Variants in OSBPL10 observed in about 807,000 individuals in gnomAD.
OSBPL10 encodes the protein oxysterol-binding protein-related protein 10.
OSBPL10 carries 49 observed loss-of-function variants against 81.7 expected under a neutral mutation model. The observed-to-expected ratio is 0.60, with a 90% CI of 0.48 to 0.76. The LOEUF (loss-of-function observed/expected upper bound fraction) is 0.76, where lower values mean the gene tolerates loss of function less well. OSBPL10 is among the 30% of genes least tolerant of loss of function. The pLI is 0.00. For missense variants in OSBPL10, 923 were observed against 987.8 expected (o/e 0.93, Z 0.88); for synonymous variants, 419 against 383.6 (o/e 1.09, Z -1.08).
At chr3:31,962,681 A>G (rs1698203057) in intron 1 of OSBPL10, among the ~76,000 whole-genome samples, 1 of 152,318 alleles carries the variant, frequency 6.6e-6, no homozygotes, top group South Asian at 2.1e-4. Flanking sequence ...TTGTAACGCA[A>G]GCTCCCTGAG....
At chr3:31,875,555 TAAAAAA>T (rs60853105) in intron 3 of OSBPL10, among the ~76,000 whole-genome samples, 1 of 143,620 alleles carries the variant, frequency 7.0e-6, no homozygotes, top group Non-Finnish European at 1.5e-5. Context: ...GATGTTTCTT[TAAAAAA>T]AAAAAAAAAA....
At chr3:31,810,060 A>G (rs1208802851) in intron 4 of OSBPL10, among the ~76,000 whole-genome samples, 1 of 151,972 alleles carries the variant, frequency 6.6e-6, no homozygotes, top group Non-Finnish European at 1.5e-5. Flanking sequence ...TGATAGAGAC[A>G]GGGTCTCTCC....
At chr3:31,766,528 T>C (rs1407655609) in intron 4 of OSBPL10, among the ~76,000 whole-genome samples, 1 of 151,722 alleles carries the variant, frequency 6.6e-6, no homozygotes, top group Non-Finnish European at 1.5e-5. Context: ...TTGGTAGAGA[T>C]GGGGTCTCAT....
chr3:31,931,607 G>A (rs1227598815), intron 1 of OSBPL10, among the ~76,000 whole-genome samples: 1 of 152,168 alleles, frequency 6.6e-6, no homozygotes, highest in Admixed American at 6.6e-5. Flanking sequence ...CACCTTTACA[G>A]TTCTGTTGTC....
chr3:32,032,388 C>T (rs143216708), intron 2 of OSBPL10, among the ~76,000 whole-genome samples: 1,558 of 151,708 alleles, frequency 0.01, 33 homozygotes, highest in African/African-American at 0.035. Context: ...CCAGCCTGGG[C>T]GACAGAGTGA....
chr3:31,815,724 T>C (rs562144326), intron 4 of OSBPL10, among the ~76,000 whole-genome samples: 1 of 152,264 alleles, frequency 6.6e-6, no homozygotes, highest in South Asian at 2.1e-4. Flanking sequence ...GGCAGGAACC[T>C]AACACCCTCT....
intron 1 of OSBPL10, among the ~76,000 whole-genome samples, chr3:31,939,201 G>C (rs1300042972): frequency 7.0e-6 from 1 of 142,360 alleles, no homozygotes; most frequent in Non-Finnish European, 1.5e-5. Context: ...CTGGAGTGCA[G>C]TGGCACAATC....
rs778069580 is a variant in OSBPL10, at chr3:31,876,503, G to C, written c.467C>G (p.Ala156Gly). 1 of 1,612,092 alleles carries C rather than the reference G, an allele frequency of 6.2e-7. No individual in the cohort carries two copies. The highest frequency in any genetic ancestry group is 8.5e-7 in the Non-Finnish European group (1 of 1,178,178). ...GEMFKLRAADAKEKQFWVTQL... is the reference protein window; with the variant it reads ...GEMFKLRAADGKEKQFWVTQL... Reference sequence around the variant, plus strand: ...AGTCACCCAGAATTGTTTCTCTTTTGCATCAGCAGCTAAAATAGAGAAAAC... The same window carrying C: ...AGTCACCCAGAATTGTTTCTCTTTTCCATCAGCAGCTAAAATAGAGAAAAC... The change falls in exon 3 of 12, where the codon GCA becomes GGA. Residue 156 changes from alanine to glycine, a missense_variant. By Grantham distance (60) the Ala-to-Gly change is moderately conservative. Around this residue, in one of 3 missense-constraint regions of OSBPL10, gnomAD observed 514 missense variants for 508.0 expected, o/e 1.01. Coordinates refer to ENST00000396556, the MANE Select transcript of OSBPL10 (RefSeq NM_017784.5).
intron 1 of OSBPL10, among the ~76,000 whole-genome samples, chr3:31,949,980 CA>C (rs1432556010): frequency 6.6e-6 from 1 of 151,836 alleles, no homozygotes; most frequent in Non-Finnish European, 1.5e-5. Context: ...TGAGAGTTGG[CA>C]AAAATTTTTT....
intron 5 of OSBPL10, among the ~76,000 whole-genome samples, chr3:31,739,229 A>G (rs1024267566): frequency 2.0e-5 from 3 of 152,280 alleles, no homozygotes; most frequent in African/African-American, 7.2e-5. Flanking sequence ...TACCTGGCTG[A>G]GGTAAATTAT....
At chr3:31,668,947 C>T in intron 9 of OSBPL10, 123 bp from the exon 10 acceptor site, 1 of 796,284 alleles carries the variant, frequency 1.3e-6, no homozygotes, top group East Asian at 2.7e-5. Flanking sequence ...ATTGTTTTTG[C>T]AGCTTTGCTC....
At chr3:31,944,727 C>G (rs965306466) in intron 1 of OSBPL10, among the ~76,000 whole-genome samples, 45 of 151,044 alleles carry the variant, frequency 3.0e-4, no homozygotes, top group African/African-American at 1.1e-3. Context: ...ATCAGCCAAT[C>G]TGGTTGCTTC....
intron 4 of OSBPL10, 40 bp from the exon 5 acceptor site, chr3:31,748,160 G>T (rs372309882): frequency 1.1e-5 from 17 of 1,556,490 alleles, no homozygotes; most frequent in Non-Finnish European, 1.4e-5. Context: ...AGGGGCGGAA[G>T]TTCTTTCGAC....
At chr3:31,776,165 A>C (rs150281376) in intron 4 of OSBPL10, among the ~76,000 whole-genome samples, 2 of 152,268 alleles carry the variant, frequency 1.3e-5, no homozygotes, top group African/African-American at 4.8e-5. Context: ...CTTAAAATTG[A>C]GATTAATTAC....
intron 4 of OSBPL10, 36 bp downstream of exon 4, chr3:31,830,004 C>CG: frequency 6.4e-7 from 1 of 1,570,982 alleles, no homozygotes; most frequent in Non-Finnish European, 8.6e-7. Flanking sequence ...CCCAACTCCC[C>CG]GGGGCTGCTT....
At chr3:31,716,519 C>T (rs1696441145) in intron 6 of OSBPL10, among the ~76,000 whole-genome samples, 1 of 152,154 alleles carries the variant, frequency 6.6e-6, no homozygotes, top group African/African-American at 2.4e-5. Flanking sequence ...GATCCCCGGC[C>T]ATGGGGGCTA....
chr3:31,929,470 G>A (rs111309295), intron 1 of OSBPL10, among the ~76,000 whole-genome samples: 35 of 152,164 alleles, frequency 2.3e-4, no homozygotes, highest in African/African-American at 6.0e-4. Context: ...AATATCGGCC[G>A]GGCGCGGTGG....
intron 1 of OSBPL10, among the ~76,000 whole-genome samples, chr3:32,074,475 C>T (rs906849027): frequency 6.6e-6 from 1 of 152,128 alleles, no homozygotes; most frequent in Non-Finnish European, 1.5e-5. Context: ...GGGAGCATTC[C>T]AACTTCACGT....
At chr3:31,752,248 C>G (rs1420542886) in intron 4 of OSBPL10, among the ~76,000 whole-genome samples, 1 of 152,096 alleles carries the variant, frequency 6.6e-6, no homozygotes, top group East Asian at 1.9e-4. Context: ...AATTATAACC[C>G]CAAATACTTC....
Sources: allele counts gnomAD v4.1 joint callset (sites outside exome capture counted in the v4.1 genomes callset), GRCh38; gene constraint gnomAD v4.1.1; regional missense constraint gnomAD v4.1.1; transcripts MANE v1.5; gene names NCBI Gene and HGNC (gene_info 2026-07-23, HGNC 2026-07-21).